Variants in IMMP2L observed in about 807,000 individuals in gnomAD.
IMMP2L encodes the protein inner mitochondrial membrane peptidase subunit 2.
In IMMP2L, 18 loss-of-function variants were observed where a neutral mutation model predicts 19.3. The observed-to-expected ratio is 0.93, with a 90% CI of 0.64 to 1.38. IMMP2L has a LOEUF of 1.38. Among genes scored for constraint, IMMP2L ranks in the 40% most tolerant of loss-of-function variants. The pLI, the probability that IMMP2L is intolerant of heterozygous loss-of-function variation, is 0.00. For synonymous variants in IMMP2L, 76 were observed against 73.0 expected (o/e 1.04, Z -0.21); for missense variants, 233 against 218.2 (o/e 1.07, Z -0.43).
At chr7:111,382,977 T>C (rs1424734590) in intron 3 of IMMP2L, among the ~76,000 whole-genome samples, 13 of 152,040 alleles carry the variant, frequency 8.6e-5, no homozygotes, top group Admixed American at 7.9e-4. Flanking sequence ...TTCATCCAGG[T>C]AGGGGAGAGT....
In IMMP2L at chr7:111,039,064, A is replaced by C. The variant is rs189660809; in HGVS notation, c.240-75499T>G. ...TCTTTTTGTACATAACTTCTATTTC[A>C]AACTTTGATAAGCACAATGTATAGA... On this transcript the variant is annotated intron_variant, in intron 3 of 5. Transcript: ENST00000405709. Among the ~76,000 whole-genome samples, 529 of 152,296 alleles carry C rather than the reference A, an allele frequency of 3.5e-3. 5 individuals carry two copies. Among genetic ancestry groups the C allele is most frequent in the Non-Finnish European group, 4.5e-3 (306 of 68,012 alleles).
chr7:111,084,056 G>T (rs1307548887), intron 3 of IMMP2L, among the ~76,000 whole-genome samples: 2 of 152,108 alleles, frequency 1.3e-5, no homozygotes, highest in East Asian at 3.9e-4. Flanking sequence ...GGGAAGAATG[G>T]ACTAGAAGGT....
intron 3 of IMMP2L, among the ~76,000 whole-genome samples, chr7:111,208,409 G>A (rs1340424666): frequency 1.3e-5 from 2 of 152,122 alleles, no homozygotes; most frequent in Non-Finnish European, 2.9e-5. Context: ...TTAATTAATA[G>A]ACCCTTTAAA....
chr7:110,787,681 T>A (rs1038211373), intron 5 of IMMP2L, among the ~76,000 whole-genome samples: 9 of 151,944 alleles, frequency 5.9e-5, no homozygotes, highest in African/African-American at 2.2e-4. Context: ...CCTATTTAAT[T>A]CATTCCACAA....
chr7:110,776,176 C>T (rs914215224), intron 5 of IMMP2L, among the ~76,000 whole-genome samples: 8 of 151,792 alleles, frequency 5.3e-5, no homozygotes, highest in African/African-American at 1.7e-4. Context: ...ATTCCCACTC[C>T]AGGGCAGTTA....
At chr7:110,677,251 GAAAT>G (rs1792375052) in intron 5 of IMMP2L, among the ~76,000 whole-genome samples, 1 of 152,056 alleles carries the variant, frequency 6.6e-6, no homozygotes, top group Non-Finnish European at 1.5e-5. Flanking sequence ...AACAGAATTA[GAAAT>G]AAAGGCAGGT....
chr7:110,839,389 T>G (rs1794567319), intron 5 of IMMP2L, among the ~76,000 whole-genome samples: 1 of 152,246 alleles, frequency 6.6e-6, no homozygotes, highest in Admixed American at 6.5e-5. Context: ...CATTTTCAAC[T>G]TAGGTTAATA....
At chr7:110,704,487 T>A (rs951547931) in intron 5 of IMMP2L, among the ~76,000 whole-genome samples, 2 of 152,206 alleles carry the variant, frequency 1.3e-5, no homozygotes, top group African/African-American at 4.8e-5. Context: ...ATCGTAACCA[T>A]TTTGTTATGT....
At chr7:111,340,691 T>C (rs1024630407) in intron 3 of IMMP2L, among the ~76,000 whole-genome samples, 1 of 152,042 alleles carries the variant, frequency 6.6e-6, no homozygotes, top group African/African-American at 2.4e-5. Flanking sequence ...CCCAAATGTC[T>C]ATTAACAAGA....
chr7:111,469,704 A>C (rs1394029587), intron 3 of IMMP2L, among the ~76,000 whole-genome samples: 1 of 152,176 alleles, frequency 6.6e-6, no homozygotes, highest in Admixed American at 6.5e-5. Flanking sequence ...CCTGCCTTAC[A>C]TCTTATACAA....
rs188918375 is a variant in IMMP2L, at chr7:110,680,401, G to A, written c.409-16680C>T. On this transcript the variant is annotated intron_variant, in intron 5 of 5. Coordinates refer to ENST00000405709, the MANE Select transcript of IMMP2L (RefSeq NM_032549.4). ...TCTCCTCACCCTAGAATGACACTTC[G>A]AGTGGTCAGAGCTATAACTGCCGTT... is the stretch of plus-strand genomic sequence containing the variant. Among the ~76,000 whole-genome samples the A allele has an allele frequency of 4.9e-4, 74 of 152,210 alleles. No individual in the cohort carries two copies. In the East Asian group the frequency reaches 0.014, roughly 29 times the overall value.
intron 3 of IMMP2L, among the ~76,000 whole-genome samples, chr7:111,273,019 T>C (rs191109512): frequency 2.0e-5 from 3 of 152,230 alleles, no homozygotes; most frequent in Non-Finnish European, 4.4e-5. Context: ...CTCAGCATCC[T>C]GTAATCTCAG....
chr7:111,080,797 A>G (rs554656735), intron 3 of IMMP2L, among the ~76,000 whole-genome samples: 1 of 152,338 alleles, frequency 6.6e-6, no homozygotes, highest in East Asian at 1.9e-4. Flanking sequence ...CCAGGAATAC[A>G]AAGATGCAGA....
At chr7:111,243,380 T>A (rs1391893656) in intron 3 of IMMP2L, among the ~76,000 whole-genome samples, 1 of 152,122 alleles carries the variant, frequency 6.6e-6, no homozygotes, top group African/African-American at 2.4e-5. Flanking sequence ...CCCAAGCTGT[T>A]GAAATTTTAT....
At chr7:110,948,862 A>G (rs1374057261) in intron 4 of IMMP2L, among the ~76,000 whole-genome samples, 3 of 152,162 alleles carry the variant, frequency 2.0e-5, no homozygotes, top group Non-Finnish European at 4.4e-5. Context: ...GCATCATCCA[A>G]TGAGCTGGGG....
chr7:111,277,773 A>C (rs1243243179), intron 3 of IMMP2L, among the ~76,000 whole-genome samples: 1 of 152,170 alleles, frequency 6.6e-6, no homozygotes, highest in African/African-American at 2.4e-5. Flanking sequence ...TAAAAATGGT[A>C]ACTGTAATTT....
chr7:111,265,599 G>A (rs1271010902), intron 3 of IMMP2L, among the ~76,000 whole-genome samples: 1 of 152,072 alleles, frequency 6.6e-6, no homozygotes, highest in East Asian at 1.9e-4. Context: ...GGTTTCAAAG[G>A]GTAGAAGAAC....
chr7:111,442,259 A>T (rs1837819669), intron 3 of IMMP2L, among the ~76,000 whole-genome samples: 1 of 151,916 alleles, frequency 6.6e-6, no homozygotes, highest in South Asian at 2.1e-4. Flanking sequence ...ACCATGCTCC[A>T]CAAATCAATC....
intron 5 of IMMP2L, among the ~76,000 whole-genome samples, chr7:110,706,992 T>TTTG (rs1794736846): frequency 1.2e-4 from 1 of 8,098 alleles, no homozygotes; most frequent in South Asian, 3.3e-3. Context: ...TACACTTAAA[T>TTTG]TTTTTTTTTT....
Sources: allele counts gnomAD v4.1 joint callset (sites outside exome capture counted in the v4.1 genomes callset), GRCh38; gene constraint gnomAD v4.1.1; transcripts MANE v1.5; gene names NCBI Gene and HGNC (gene_info 2026-07-23, HGNC 2026-07-21).